Variants in LPCAT3 observed in about 807,000 individuals in gnomAD.
The protein encoded by LPCAT3 is lysophospholipid acyltransferase 5.
In LPCAT3, 21 loss-of-function variants were observed where a neutral mutation model predicts 63.4. The ratio of observed to expected loss-of-function variants is 0.33; its 90% CI spans 0.23 to 0.48. The LOEUF (loss-of-function observed/expected upper bound fraction) is 0.48. Among genes scored for constraint, LPCAT3 ranks in the 20% least tolerant of loss-of-function variants. The pLI, the probability that LPCAT3 is intolerant of heterozygous loss-of-function variation, is 0.99. For missense variants in LPCAT3, 451 were observed against 590.6 expected (o/e 0.76, Z 2.45); for synonymous variants, 242 against 227.5 (o/e 1.06, Z -0.58).
intron 1 of LPCAT3, among the ~76,000 whole-genome samples, chr12:7,015,734 T>C (rs1204142975): frequency 6.6e-6 from 1 of 152,156 alleles, no homozygotes; most frequent in Non-Finnish European, 1.5e-5. Flanking sequence ...AATGGTAGAA[T>C]GAGCAAGGGG....
intron 1 of LPCAT3, among the ~76,000 whole-genome samples, chr12:6,989,163 T>C (rs1555155163): frequency 6.6e-6 from 1 of 151,980 alleles, no homozygotes; most frequent in Admixed American, 6.6e-5. Context: ...CTGTAACTGT[T>C]CCTTCTTTTT....
intron 1 of LPCAT3, among the ~76,000 whole-genome samples, chr12:7,003,750 G>A (rs782120827): frequency 4.0e-4 from 60 of 151,232 alleles, no homozygotes; most frequent in Middle Eastern, 3.4e-3. Context: ...GTGAAACCCC[G>A]TCTCTATTAA....
At chr12:7,014,615 G>A (rs1226314452) in intron 1 of LPCAT3, among the ~76,000 whole-genome samples, 1 of 151,830 alleles carries the variant, frequency 6.6e-6, no homozygotes, top group African/African-American at 2.4e-5. Context: ...GGGCGCGGTG[G>A]CTCATGCCTG....
chr12:6,992,300 T>C (rs1555155575), intron 1 of LPCAT3, among the ~76,000 whole-genome samples: 1 of 151,444 alleles, frequency 6.6e-6, no homozygotes, highest in Non-Finnish European at 1.5e-5. Flanking sequence ...CCCACCGCAC[T>C]CTAGCCTGGG....
At position 6,977,273 on chromosome 12, in the gene LPCAT3, A is replaced by C. The variant is rs782623914; in HGVS notation, c.1348-11T>G. 1.2e-6 allele frequency: 2 copies of C among 1,611,192 alleles called. No homozygotes were observed. Among genetic ancestry groups the C allele is most frequent in the South Asian group, 2.2e-5 (2 of 91,016 alleles). The stretch of plus-strand genomic sequence containing the variant: ...GATGGATTTATACACCTGTGGAGAG[A>C]GAGGCCACTAAGGTAGACAGGCCTG... On this transcript the variant is annotated splice_polypyrimidine_tract_variant and intron_variant, in intron 11 of 12. Coordinates refer to ENST00000261407, the MANE Select transcript of LPCAT3 (RefSeq NM_005768.6). The surrounding 1 kb of genome is among the most constrained non-coding windows in gnomAD (Gnocchi z 4.5).
At position 6,977,130 on chromosome 12, in the gene LPCAT3, T is replaced by G. The variant is rs1946412743; in HGVS notation, c.*12+4A>C. On this transcript the variant is annotated splice_donor_region_variant and intron_variant, in intron 12 of 12. Coordinates refer to ENST00000261407, the MANE Select transcript of LPCAT3 (RefSeq NM_005768.6). The surrounding 1 kb of genome is among the most constrained non-coding windows in gnomAD (Gnocchi z 4.5). Reference sequence around the variant, plus strand: ...GTAGTTTTAGTTTAGCTGTATTAACTTACCAGGGAAATGGATTATTCCATC... The same window carrying G: ...GTAGTTTTAGTTTAGCTGTATTAACGTACCAGGGAAATGGATTATTCCATC... 6.5e-7 allele frequency: 1 copy of G among 1,532,698 alleles called. No individual in the cohort carries two copies. Among genetic ancestry groups the G allele is most frequent in the South Asian group, 1.1e-5 (1 of 89,402 alleles). The allele number at this position is 1,532,698 out of a possible 1,614,324, so 94.9% of individuals were successfully genotyped here. A position where few individuals can be genotyped will look rare whatever the true frequency, so the allele number is the denominator to read the frequency against.
At chr12:6,999,808 A>G (rs1946668686) in intron 1 of LPCAT3, among the ~76,000 whole-genome samples, 3 of 152,330 alleles carry the variant, frequency 2.0e-5, no homozygotes, top group East Asian at 1.9e-4. Flanking sequence ...AATTCTTTGT[A>G]AATCAGTGAA....
chr12:6,980,243 A>G (rs1341026936), intron 6 of LPCAT3, among the ~76,000 whole-genome samples: 6 of 151,684 alleles, frequency 4.0e-5, no homozygotes, highest in Non-Finnish European at 5.9e-5. Context: ...GGGTCTCACT[A>G]TGTTGCCCAG....
intron 1 of LPCAT3, among the ~76,000 whole-genome samples, chr12:7,007,801 A>G (rs2138358522): frequency 6.6e-6 from 1 of 152,248 alleles, no homozygotes; most frequent in Non-Finnish European, 1.5e-5. Flanking sequence ...GGCCATGACA[A>G]AAGCTTTTTA....
chr12:7,008,978 T>A (rs938160650), intron 1 of LPCAT3, among the ~76,000 whole-genome samples: 18 of 152,252 alleles, frequency 1.2e-4, no homozygotes, highest in African/African-American at 4.1e-4. Flanking sequence ...TACTCAATTT[T>A]TGTAGGCCCA....
intron 3 of LPCAT3, 77 bp downstream of exon 3, chr12:6,982,599 A>T: frequency 9.1e-7 from 1 of 1,093,096 alleles, no homozygotes; most frequent in Non-Finnish European, 1.4e-6. Context: ...TAATTTCTAT[A>T]CCACAGTCCC....
intron 1 of LPCAT3, among the ~76,000 whole-genome samples, chr12:6,984,333 T>C (rs967351223): frequency 2.2e-4 from 33 of 152,224 alleles, no homozygotes; most frequent in African/African-American, 4.3e-4. Context: ...GGGTTGCTTA[T>C]TGAATTAAAA....
At chr12:6,983,320 G>A (rs1285205139) in intron 2 of LPCAT3, 112 bp downstream of exon 2, 1 of 700,462 alleles carries the variant, frequency 1.4e-6, no homozygotes, top group Non-Finnish European at 2.5e-6. Flanking sequence ...CTTTGCAAGT[G>A]GGAGCATTAT....
At position 6,982,697 on chromosome 12, in the gene LPCAT3, G is replaced by A; in HGVS notation, c.345C>T (p.Leu115=). 6.2e-7 allele frequency: 1 copy of A among 1,613,306 alleles called. No individual in the cohort carries two copies. Among genetic ancestry groups the A allele is most frequent in the South Asian group, 1.1e-5 (1 of 91,062 alleles). Residue 115 remains leucine (L), a synonymous_variant, in exon 3 of 13, where the codon CTC becomes CTT. Coordinates refer to ENST00000261407, the MANE Select transcript of LPCAT3 (RefSeq NM_005768.6). Reference sequence around the variant, plus strand: ...TTACCATCTGGAAGCAAAAGGTAGTGAGGACGGCAGTGATGGTGCGGCCCA... The same window carrying A: ...TTACCATCTGGAAGCAAAAGGTAGTAAGGACGGCAGTGATGGTGCGGCCCA... ...RLMGRTITAV[L]TTFCFQMAYL...
rs185035432 is a variant in LPCAT3 at position 7,002,134 on chromosome 12, C to T, written c.151+16140G>A. 6.0e-3 allele frequency among the ~76,000 whole-genome samples: 919 copies of T among 152,298 alleles called. 16 individuals are homozygous for T. Among genetic ancestry groups the T allele is most frequent in the South Asian group, 0.043 (210 of 4,830 alleles). ...GGGGAGCGGCCAGGCCAGGACAGGA[C>T]TCAGCCCCCAGTTCCTCTTCTCAGG... On this transcript the variant is annotated intron_variant, in intron 1 of 12. Coordinates refer to ENST00000261407, the MANE Select transcript of LPCAT3 (RefSeq NM_005768.6).
At chr12:6,981,504 G>T in intron 5 of LPCAT3, 91 bp downstream of exon 5, 1 of 1,276,776 alleles carries the variant, frequency 7.8e-7, no homozygotes, top group Non-Finnish European at 1.1e-6. Context: ...GAGAGGCTCC[G>T]CTCTGGAATT....
intron 1 of LPCAT3, among the ~76,000 whole-genome samples, chr12:6,996,556 T>A (rs782773079): frequency 6.6e-6 from 1 of 152,334 alleles, no homozygotes; most frequent in African/African-American, 2.4e-5. Flanking sequence ...GTACACAAAA[T>A]TTCTCAAAAA....
chr12:7,015,215 T>C (rs1024240525), intron 1 of LPCAT3, among the ~76,000 whole-genome samples: 1 of 152,258 alleles, frequency 6.6e-6, no homozygotes, highest in African/African-American at 2.4e-5. Flanking sequence ...GACTATCTGA[T>C]TAAAACGTAC....
chr12:6,981,413 G>A, intron 5 of LPCAT3, 182 bp downstream of exon 5: 1 of 731,368 alleles, frequency 1.4e-6, no homozygotes, highest in Non-Finnish European at 2.3e-6. Flanking sequence ...TTGTGCAAGA[G>A]CTGGATCCTG....
Sources: gnomAD v4.1 joint callset for allele counts (sites outside exome capture counted in the v4.1 genomes callset) on GRCh38, gnomAD v4.1.1 for gene constraint, Gnocchi (gnomAD v3.1) non-coding constraint, MANE v1.5 for transcripts, NCBI Gene and HGNC (gene_info 2026-07-23, HGNC 2026-07-21) for gene names.